ATAD2: variants seen among roughly 807,000 people sequenced by gnomAD.
The protein encoded by ATAD2 is ATPase family AAA domain-containing protein 2.
ATAD2 carries 62 observed loss-of-function variants against 168.9 expected under a neutral mutation model. The observed-to-expected ratio is 0.37, with a 90% CI of 0.30 to 0.45. The LOEUF (loss-of-function observed/expected upper bound fraction) is 0.45, where lower values mean the gene tolerates loss of function less well. Among genes scored for constraint, ATAD2 ranks in the 20% least tolerant of loss-of-function variants. The probability of loss-of-function intolerance (pLI) is 1.00; values close to 1 mark genes in which losing one functional copy is unlikely to be tolerated. For synonymous variants in ATAD2, 613 were observed against 571.6 expected (o/e 1.07, Z -1.03); for missense variants, 1,419 against 1,667.8 (o/e 0.85, Z 2.60).
At chr8:123,406,737 AG>A (rs1267314776) in intron 1 of ATAD2, among the ~76,000 whole-genome samples, 5 of 149,220 alleles carry the variant, frequency 3.4e-5, no homozygotes, top group Non-Finnish European at 4.4e-5. Flanking sequence ...GGATCACTTG[AG>A]CCTGGGAGGT....
chr8:123,410,518 G>A (rs1004688675), intron 1 of ATAD2, among the ~76,000 whole-genome samples: 26 of 143,594 alleles, frequency 1.8e-4, no homozygotes, highest in African/African-American at 4.9e-4. Flanking sequence ...CACTCCTGAC[G>A]TCAAGTGATC....
intron 5 of ATAD2, 40 bp downstream of exon 5, chr8:123,371,196 T>G (rs760097288): frequency 6.7e-7 from 1 of 1,488,868 alleles, no homozygotes; most frequent in South Asian, 1.2e-5. Flanking sequence ...AAAATTAAAC[T>G]GGATATTAAA....
At chr8:123,333,772 T>TC in intron 24 of ATAD2, 106 bp downstream of exon 24, 1 of 1,231,342 alleles carries the variant, frequency 8.1e-7, no homozygotes, top group Non-Finnish European at 1.1e-6. Flanking sequence ...AAAATCAATG[T>TC]AATTCACTGC....
intron 8 of ATAD2, among the ~76,000 whole-genome samples, chr8:123,368,786 T>C (rs1215529949): frequency 6.6e-6 from 1 of 152,192 alleles, no homozygotes; most frequent in Non-Finnish European, 1.5e-5. Flanking sequence ...CAGTAAACCC[T>C]GAGTCTAAGG....
chr8:123,356,533 C>G lies in ATAD2; in HGVS notation c.1558-56G>C, dbSNP rs981610874. The G allele has an allele frequency of 3.1e-5, 37 of 1,205,010 alleles. No homozygotes were observed. The African/African-American group carries it at 4.8e-4, about 16-fold the overall frequency. The allele number at this position is 1,205,010 out of a possible 1,614,324, so 74.6% of individuals were successfully genotyped here. A position where few individuals can be genotyped will look rare whatever the true frequency, so the allele number is the denominator to read the frequency against. ...GCATAAACAGCCTCAAACACGTAGA[C>G]TTAATATAAACCATTTTAATAAATT... On this transcript the variant is annotated intron_variant, in intron 12 of 27. Transcript: ENST00000287394.
chr8:123,408,779 A>T (rs1813106550), intron 1 of ATAD2, among the ~76,000 whole-genome samples: 1 of 151,198 alleles, frequency 6.6e-6, no homozygotes. Flanking sequence ...GGCCTCCCAA[A>T]GTGTTGGGAT....
chr8:123,321,244 C>G (rs527550617), intron 27 of ATAD2, 69 bp from the exon 28 acceptor site: 2 of 1,322,484 alleles, frequency 1.5e-6, no homozygotes, highest in Admixed American at 2.1e-5. Flanking sequence ...CATTTCATTA[C>G]TTTTTCAGTA....
intron 19 of ATAD2, 41 bp from the exon 20 acceptor site, chr8:123,339,487 G>C (rs1409666276): frequency 1.4e-6 from 2 of 1,480,536 alleles, no homozygotes; most frequent in East Asian, 4.7e-5. Context: ...CATATATACA[G>C]ATGATCCCCA....
In ATAD2 at chr8:123,319,980, GAATATA is replaced by G. The variant is rs1279186480; in HGVS notation, c.*1148_*1153del. On this transcript the variant is annotated 3_prime_UTR_variant, in exon 28 of 28. Transcript: ENST00000287394. ...CAAAAATGAGAATGTGTATCTCCAG[GAATATA>G]AATATATTTAAATGTTCTCAGTGAC... 1 of 151,928 alleles carries G rather than the reference GAATATA, an allele frequency of 6.6e-6. No individual in the cohort carries two copies. Among genetic ancestry groups the G allele is most frequent in the Non-Finnish European group, 1.5e-5 (1 of 68,002 alleles). 9.4% of individuals were successfully genotyped at this position (151,928 alleles called of 1,614,324 possible). A position where few individuals can be genotyped will look rare whatever the true frequency, so the allele number is the denominator to read the frequency against.
chr8:123,351,529 T>A (rs1828459820), intron 13 of ATAD2, among the ~76,000 whole-genome samples: 1 of 152,098 alleles, frequency 6.6e-6, no homozygotes. Context: ...AATGGTGACT[T>A]TCTGATTCAA....
intron 19 of ATAD2, chr8:123,344,569 A>G (rs1450862971): frequency 1.8e-5 from 5 of 272,888 alleles, no homozygotes; most frequent in Non-Finnish European, 3.6e-5. Flanking sequence ...GGATGGTCTC[A>G]ATCTCCTGAC....
rs538354881 is a variant in ATAD2, at chr8:123,369,810, A to G, written c.931+11T>C. ...ATTACATCTCCTGGAAAGAGTATGT[A>G]TAGCACTTACTTTCCAATGGAGCCT... On this transcript the variant is annotated intron_variant, in intron 7 of 27. Coordinates refer to ENST00000287394, the MANE Select transcript of ATAD2 (RefSeq NM_014109.4). 2.4e-5 allele frequency: 38 copies of G among 1,583,982 alleles called. No homozygotes were observed. The African/African-American group carries it at 4.7e-4, about 20-fold the overall frequency.
In ATAD2 at chr8:123,328,348, A is replaced by G. The variant is rs1034516864; in HGVS notation, c.3710T>C (p.Leu1237Pro). Residue 1237 changes from leucine (L) to proline (P), a missense_variant, in exon 25 of 28, where the codon CTG becomes CCG. Physicochemically the swap from Leu to Pro is moderately conservative, Grantham distance 98 (BLOSUM62 -3). This residue lies in a region of ATAD2 where 303 missense variants were observed against 304.3 expected (regional missense o/e 1.00). Coordinates refer to ENST00000287394, the MANE Select transcript of ATAD2 (RefSeq NM_014109.4). The part of the protein sequence containing the change: ...EKQQNASESK[L>P]ELRNNSNTCN... ...AGTATTTGAATTATTTCTCAATTCC[A>G]GTTTGCTTTCAGAGGCATTTTGCTG... The G allele has an allele frequency of 1.2e-6, 2 of 1,606,238 alleles. No homozygotes were observed. Among genetic ancestry groups the G allele is most frequent in the Admixed American group, 3.4e-5 (2 of 58,490 alleles).
At chr8:123,356,816 A>G (rs1356187315) in intron 12 of ATAD2, among the ~76,000 whole-genome samples, 9 of 151,912 alleles carry the variant, frequency 5.9e-5, no homozygotes, top group African/African-American at 2.2e-4. Context: ...AAATTTAAAC[A>G]TAAGTTCTAG....
At chr8:123,388,856 G>C (rs1026092768) in intron 1 of ATAD2, among the ~76,000 whole-genome samples, 1 of 151,348 alleles carries the variant, frequency 6.6e-6, no homozygotes, top group Non-Finnish European at 1.5e-5. Context: ...AAAATGCTTC[G>C]GTCCCTTGGT....
chr8:123,407,470 T>C (rs1011820800), intron 1 of ATAD2, among the ~76,000 whole-genome samples: 1 of 152,178 alleles, frequency 6.6e-6, no homozygotes, highest in Non-Finnish European at 1.5e-5. Flanking sequence ...ACACCTGCAA[T>C]CCCAGCACTT....
chr8:123,339,331 G>T lies in ATAD2; in HGVS notation c.2834C>A (p.Pro945His). 1.3e-6 allele frequency: 2 copies of T among 1,575,156 alleles called. No homozygotes were observed. Among genetic ancestry groups the T allele is most frequent in the Non-Finnish European group, 1.7e-6 (2 of 1,160,308 alleles). ...DLILKQAAKP[P>H]ISKKKAVLQA... ...CTAACCTGCTTTCTTTTTTGATATA[G>T]GAGGCTTAGCAGCTTGTTTTAGAAT... is the stretch of plus-strand genomic sequence containing the variant. Residue 945 changes from proline (P) to histidine (H), a missense_variant, in exon 20 of 28, where the codon CCT becomes CAT. Coordinates refer to ENST00000287394, the MANE Select transcript of ATAD2 (RefSeq NM_014109.4).
chr8:123,414,551 G>A (rs1479532514), intron 1 of ATAD2, among the ~76,000 whole-genome samples: 1 of 152,188 alleles, frequency 6.6e-6, no homozygotes, highest in African/African-American at 2.4e-5. Context: ...TTGAGCCCAG[G>A]AGTTTGAGGC....
chr8:123,345,637 G>A (rs1266325757), intron 18 of ATAD2, among the ~76,000 whole-genome samples: 36 of 152,062 alleles, frequency 2.4e-4, no homozygotes, highest in Non-Finnish European at 2.6e-4. Context: ...AGCCAGGATC[G>A]TGCCACTGCA....
Sources: allele counts gnomAD v4.1 joint callset (sites outside exome capture counted in the v4.1 genomes callset), GRCh38; gene constraint gnomAD v4.1.1; regional missense constraint gnomAD v4.1.1; transcripts MANE v1.5; gene names NCBI Gene and HGNC (gene_info 2026-07-23, HGNC 2026-07-21).